The following IGF1R variants were observed in gnomAD, a reference collection of about 807,000 sequenced individuals.
The protein encoded by IGF1R is insulin-like growth factor 1 receptor.
A neutral mutation model predicts 144.6 loss-of-function variants in IGF1R; 44 were observed. The observed-to-expected ratio is 0.30, with a 90% confidence interval of 0.24 to 0.39. IGF1R has a LOEUF of 0.39. Among genes scored for constraint, IGF1R ranks in the 10% least tolerant of loss-of-function variants. The pLI is 1.00. For missense variants in IGF1R, 1,355 were observed against 1,833.7 expected (o/e 0.74, Z 4.77); for synonymous variants, 795 against 722.8 (o/e 1.10, Z -1.60).
intron 10 of IGF1R, among the ~76,000 whole-genome samples, chr15:98,921,139 G>T (rs1321698495): frequency 6.6e-6 from 1 of 152,152 alleles, no homozygotes; most frequent in African/African-American, 2.4e-5. Context: ...CCAGCCGAAG[G>T]CCTCAGCCCT....
At chr15:98,851,295 G>A (rs1055761821) in intron 2 of IGF1R, among the ~76,000 whole-genome samples, 1 of 152,160 alleles carries the variant, frequency 6.6e-6, no homozygotes, top group Admixed American at 6.5e-5. Context: ...CTGGCCAAGG[G>A]GTGGCAGAGA....
intron 20 of IGF1R, among the ~76,000 whole-genome samples, chr15:98,952,290 C>T (rs1253685223): frequency 9.1e-6 from 1 of 110,066 alleles, no homozygotes; most frequent in Non-Finnish European, 2.0e-5. Context: ...TGGCTACCCC[C>T]CAGTACCCCA....
At chr15:98,799,344 A>C (rs757463884) in intron 2 of IGF1R, among the ~76,000 whole-genome samples, 2 of 142,690 alleles carry the variant, frequency 1.4e-5, no homozygotes, top group Non-Finnish European at 3.0e-5. Context: ...TTCATTGGAT[A>C]GCTAGAAGGG....
At chr15:98,865,360 C>T (rs1370906709) in intron 2 of IGF1R, among the ~76,000 whole-genome samples, 1 of 152,232 alleles carries the variant, frequency 6.6e-6, no homozygotes, top group Non-Finnish European at 1.5e-5. Context: ...TCCTGTAAGT[C>T]ATTGCAGGTA....
At chr15:98,843,267 TTAG>T (rs1002443988) in intron 2 of IGF1R, among the ~76,000 whole-genome samples, 6 of 152,358 alleles carry the variant, frequency 3.9e-5, no homozygotes, top group African/African-American at 1.4e-4. Flanking sequence ...TTCATTGGTA[TTAG>T]TGAAATTCCC....
At chr15:98,719,623 T>A (rs2054200493) in intron 2 of IGF1R, among the ~76,000 whole-genome samples, 1 of 152,128 alleles carries the variant, frequency 6.6e-6, no homozygotes, top group South Asian at 2.1e-4. Flanking sequence ...GAGGAATTTG[T>A]TTTGCAGGAT....
intron 7 of IGF1R, among the ~76,000 whole-genome samples, chr15:98,911,869 T>C (rs749671691): frequency 6.6e-6 from 1 of 152,222 alleles, no homozygotes; most frequent in Non-Finnish European, 1.5e-5. Flanking sequence ...TATCATCTTA[T>C]TCCTGTCTCT....
chr15:98,796,136 C>G (rs775128016), intron 2 of IGF1R, among the ~76,000 whole-genome samples: 2 of 147,654 alleles, frequency 1.4e-5, no homozygotes, highest in South Asian at 2.2e-4. Flanking sequence ...AAGTGGCCAG[C>G]AGGTGTCACA....
intron 2 of IGF1R, among the ~76,000 whole-genome samples, chr15:98,877,513 T>TTTCC (rs773470156): frequency 2.4e-3 from 269 of 111,406 alleles, no homozygotes; most frequent in Admixed American, 9.8e-3. Flanking sequence ...TTTTTTTTTT[T>TTTCC]CCCCAAAAAA....
intron 2 of IGF1R, among the ~76,000 whole-genome samples, chr15:98,855,103 C>G (rs1454026456): frequency 2.0e-5 from 3 of 152,220 alleles, no homozygotes; most frequent in Non-Finnish European, 4.4e-5. Flanking sequence ...TTGCCTTCCG[C>G]GCTAATGGGA....
chr15:98,741,024 AAG>A (rs2054727036), intron 2 of IGF1R, among the ~76,000 whole-genome samples: 1 of 148,528 alleles, frequency 6.7e-6, no homozygotes, highest in Non-Finnish European at 1.5e-5. Flanking sequence ...TAGAAATACA[AAG>A]AGTGATAATG....
intron 2 of IGF1R, among the ~76,000 whole-genome samples, chr15:98,822,444 A>C (rs1328064468): frequency 6.6e-6 from 1 of 152,246 alleles, no homozygotes; most frequent in Non-Finnish European, 1.5e-5. Context: ...GCATGATAAA[A>C]GATCTCGTCT....
chr15:98,958,962 T>G lies in IGF1R; in HGVS notation c.*1520T>G, dbSNP rs1054319060. 5 of 233,292 alleles carry G rather than the reference T, an allele frequency of 2.1e-5. No homozygotes were observed. Among genetic ancestry groups the G allele is most frequent in the Non-Finnish European group, 4.2e-5 (5 of 118,060 alleles). The allele number at this position is 233,292 out of a possible 1,614,324, so 14.5% of individuals were successfully genotyped here. A position where few individuals can be genotyped will look rare whatever the true frequency, so the allele number is the denominator to read the frequency against. ...TTTAGTTGTTTTCTAACCCGTAGGC[T>G]CTCTGGGCACGAGGCAGAAAGCAGG... On this transcript the variant is annotated 3_prime_UTR_variant, in exon 21 of 21. Coordinates refer to ENST00000650285, the MANE Select transcript of IGF1R (RefSeq NM_000875.5).
intron 2 of IGF1R, among the ~76,000 whole-genome samples, chr15:98,878,856 C>T (rs987462830): frequency 7.9e-5 from 12 of 151,772 alleles, no homozygotes; most frequent in African/African-American, 2.9e-4. Context: ...ATTAGCTGGG[C>T]GTGGTGGTGG....
At position 98,878,663 on chromosome 15, in the gene IGF1R, CAAAAAAAAAAAAAAAAAA is replaced by C. The variant is rs138285597; in HGVS notation, c.641-12647_641-12630del. Among the ~76,000 whole-genome samples, 71 of 57,910 alleles carry C rather than the reference CAAAAAAAAAAAAAAAAAA, an allele frequency of 1.2e-3. No homozygotes were observed. In the East Asian group the frequency reaches 0.022, roughly 18 times the overall value. The allele number at this position is 57,910 out of a possible 152,430, so 38.0% of individuals were successfully genotyped here. On this transcript the variant is annotated intron_variant, in intron 2 of 20. Transcript: ENST00000650285. ...TCTCTCTTCTTATTTGTGAAAGACT[CAAAAAAAAAAAAAAAAAA>C]AAAAAAAAAAAAAACAACAACAAAA...
chr15:98,697,973 G>A (rs1445530521), intron 1 of IGF1R, among the ~76,000 whole-genome samples: 1 of 148,592 alleles, frequency 6.7e-6, no homozygotes, highest in Non-Finnish European at 1.5e-5. Context: ...GGCCTCAAGT[G>A]ATCCCCCTGC....
At chr15:98,859,714 A>G (rs1359305153) in intron 2 of IGF1R, among the ~76,000 whole-genome samples, 1 of 152,254 alleles carries the variant, frequency 6.6e-6, no homozygotes, top group Non-Finnish European at 1.5e-5. Flanking sequence ...ACATTCTTAA[A>G]TGCATGATTA....
rs745472383 is a variant in IGF1R at position 98,924,585 on chromosome 15, C to T, written c.2683C>T (p.Arg895Trp). ...YRKYGGAKLNRLNPGNYTARI... is the reference protein window; with the variant it reads ...YRKYGGAKLNWLNPGNYTARI... ...GAAGTATGGAGGGGCCAAGCTAAACCGGCTAAACCCGGGGAACTACACAGC... is the reference window on the plus strand; with the variant it reads ...GAAGTATGGAGGGGCCAAGCTAAACTGGCTAAACCCGGGGAACTACACAGC... Residue 895 changes from arginine to tryptophan, a missense_variant, in exon 13 of 21, where the codon CGG becomes TGG. Physicochemically the swap from Arg to Trp is moderately radical, Grantham distance 101 (BLOSUM62 -3). Transcript: ENST00000650285. 25 of 1,613,874 alleles carry T rather than the reference C, an allele frequency of 1.5e-5. No individual in the cohort carries two copies. The highest frequency in any genetic ancestry group is 2.2e-5 in the South Asian group (2 of 91,076).
chr15:98,698,331 C>T (rs2053645304), intron 1 of IGF1R, among the ~76,000 whole-genome samples: 1 of 152,212 alleles, frequency 6.6e-6, no homozygotes, highest in South Asian at 2.1e-4. Context: ...GCCACCACGC[C>T]CACCGGCCTC....
Sources: allele counts gnomAD v4.1 joint callset (sites outside exome capture counted in the v4.1 genomes callset), GRCh38; gene constraint gnomAD v4.1.1; transcripts MANE v1.5; gene names NCBI Gene and HGNC (gene_info 2026-07-23, HGNC 2026-07-21).